The following RBFOX1 variants were observed in gnomAD, a reference collection of about 807,000 sequenced individuals.
RBFOX1 encodes RNA binding protein fox-1 homolog 1.
A neutral mutation model predicts 57.7 loss-of-function variants in RBFOX1; 8 were observed. The observed-to-expected ratio is 0.14, with a 90% CI of 0.08 to 0.25. RBFOX1 has a LOEUF of 0.25. Ranked by LOEUF, RBFOX1 falls within the 10% of genes least tolerant of loss-of-function variation. RBFOX1 has a pLI of 1.00. For synonymous variants in RBFOX1, 326 were observed against 222.4 expected (o/e 1.47, Z -4.15); for missense variants, 611 against 548.5 (o/e 1.11, Z -1.14).
chr16:6,039,605 A>G (rs1049955476), intron 1 of RBFOX1, among the ~76,000 whole-genome samples: 1 of 152,146 alleles, frequency 6.6e-6, no homozygotes, highest in African/African-American at 2.4e-5. Flanking sequence ...TGCAACAGTG[A>G]TTCCTAGGCC....
At chr16:6,963,409 G>C (rs1375343200) in intron 3 of RBFOX1, among the ~76,000 whole-genome samples, 1 of 152,134 alleles carries the variant, frequency 6.6e-6, no homozygotes, top group Non-Finnish European at 1.5e-5. Context: ...AAATAAAAAT[G>C]TGTTGTTGGA....
chr16:7,107,615 C>A (rs979241231), intron 4 of RBFOX1, among the ~76,000 whole-genome samples: 2 of 152,262 alleles, frequency 1.3e-5, no homozygotes, highest in South Asian at 2.1e-4. Flanking sequence ...ACGTCGCTGA[C>A]ATCCTTCTTT....
chr16:7,570,655 C>T (rs570106272), intron 5 of RBFOX1, among the ~76,000 whole-genome samples: 1 of 152,282 alleles, frequency 6.6e-6, no homozygotes, highest in South Asian at 2.1e-4. Flanking sequence ...TACATTAGCT[C>T]AACCATTGTG....
intron 2 of RBFOX1, among the ~76,000 whole-genome samples, chr16:6,512,646 G>A (rs2096278419): frequency 6.6e-6 from 1 of 152,184 alleles, no homozygotes; most frequent in African/African-American, 2.4e-5. Flanking sequence ...CCAAGAAAAT[G>A]GGAATATCTG....
At chr16:6,460,465 A>C (rs1294627171) in intron 2 of RBFOX1, among the ~76,000 whole-genome samples, 1 of 152,154 alleles carries the variant, frequency 6.6e-6, no homozygotes, top group Non-Finnish European at 1.5e-5. Flanking sequence ...CTCAAAAAAA[A>C]AACATACATG....
intron 3 of RBFOX1, among the ~76,000 whole-genome samples, chr16:5,669,259 T>C (rs924921121): frequency 1.3e-5 from 2 of 151,548 alleles, no homozygotes; most frequent in Non-Finnish European, 2.9e-5. Context: ...GGTGGGGGAG[T>C]GGCCACCCTC....
At chr16:5,837,130 G>C (rs1359412442) in intron 3 of RBFOX1, among the ~76,000 whole-genome samples, 1 of 151,906 alleles carries the variant, frequency 6.6e-6, no homozygotes, top group Admixed American at 6.6e-5. Context: ...AGTCTCTCCT[G>C]CTTCGCTCAA....
At chr16:5,893,068 C>G (rs551667052) in intron 4 of RBFOX1, among the ~76,000 whole-genome samples, 1 of 152,326 alleles carries the variant, frequency 6.6e-6, no homozygotes, top group South Asian at 2.1e-4. Flanking sequence ...GAAGCCTCTT[C>G]AAAATCTCAT....
rs1426936573 is a variant in RBFOX1, at chr16:7,657,796, G to A, written c.890+3849G>A. On this transcript the variant is annotated intron_variant, in intron 12 of 15. Coordinates refer to ENST00000550418, the MANE Select transcript of RBFOX1 (RefSeq NM_018723.4). ...GTAGGGAAAGTTGTGGACCATGGTGGGATCATAGGTACAAGTGGAAAACCC... is the reference window on the plus strand; with the variant it reads ...GTAGGGAAAGTTGTGGACCATGGTGAGATCATAGGTACAAGTGGAAAACCC... Among the ~76,000 whole-genome samples the A allele has an allele frequency of 8.5e-5, 13 of 152,206 alleles. No individual in the cohort carries two copies. The South Asian group carries it at 1.2e-3, about 15-fold the overall frequency.
At chr16:7,539,497 G>A (rs1405613364) in intron 5 of RBFOX1, among the ~76,000 whole-genome samples, 1 of 152,160 alleles carries the variant, frequency 6.6e-6, no homozygotes, top group Non-Finnish European at 1.5e-5. Context: ...AGAAGCCCAG[G>A]TGACATATTG....
rs572310537 is a variant in RBFOX1, at chr16:7,654,172, C to T, written c.890+225C>T. ...ATGGTTGGTGCCTTTAAGCATTCTA[C>T]ATGTCACATGTTGTTATGTAAATTC... On this transcript the variant is annotated intron_variant, in intron 12 of 15. Coordinates refer to ENST00000550418, the MANE Select transcript of RBFOX1 (RefSeq NM_018723.4). Among the ~76,000 whole-genome samples, 12 of 152,224 alleles carry T rather than the reference C, an allele frequency of 7.9e-5. No individual in the cohort carries two copies. The South Asian group carries it at 1.7e-3, about 21-fold the overall frequency.
At chr16:7,126,254 AG>A in intron 4 of RBFOX1, 1 of 252,634 alleles carries the variant, frequency 4.0e-6, no homozygotes, top group Non-Finnish European at 7.8e-6. Context: ...ATTTTTCTCC[AG>A]AGTATCGTGT....
intron 2 of RBFOX1, among the ~76,000 whole-genome samples, chr16:6,604,769 C>G (rs949083228): frequency 6.6e-6 from 1 of 152,128 alleles, no homozygotes; most frequent in African/African-American, 2.4e-5. Flanking sequence ...TTCCAAGATT[C>G]TATAATTCTT....
chr16:6,804,372 C>T (rs575802550), intron 3 of RBFOX1, among the ~76,000 whole-genome samples: 1 of 152,058 alleles, frequency 6.6e-6, no homozygotes, highest in Non-Finnish European at 1.5e-5. Context: ...AAGTTAAATT[C>T]TAATAGGATC....
chr16:7,112,178 T>C (rs2064917248), intron 4 of RBFOX1, among the ~76,000 whole-genome samples: 1 of 152,186 alleles, frequency 6.6e-6, no homozygotes, highest in Non-Finnish European at 1.5e-5. Context: ...AACTTTGTTT[T>C]TCTATGTCAT....
At chr16:5,454,874 C>T (rs1184286820) in intron 1 of RBFOX1, among the ~76,000 whole-genome samples, 1 of 71,882 alleles carries the variant, frequency 1.4e-5, no homozygotes, top group African/African-American at 4.9e-5. Context: ...TTCTTTCTTT[C>T]TTTCTTTCTT....
intron 1 of RBFOX1, among the ~76,000 whole-genome samples, chr16:6,154,398 T>C (rs565581617): frequency 3.9e-5 from 6 of 152,372 alleles, no homozygotes; most frequent in Non-Finnish European, 8.8e-5. Flanking sequence ...TTGTATGACA[T>C]GTAGGCATTG....
intron 2 of RBFOX1, 53 bp from the exon 3 acceptor site, chr16:6,654,550 A>G (rs1353940077): frequency 2.2e-6 from 3 of 1,381,886 alleles, no homozygotes; most frequent in Non-Finnish European, 2.9e-6. Flanking sequence ...CTCTGACCAT[A>G]AGTCTGACTC....
chr16:5,856,575 G>GTGTATGTATATATATATATATA (rs1192496608), intron 3 of RBFOX1, among the ~76,000 whole-genome samples: 1 of 32,920 alleles, frequency 3.0e-5, no homozygotes, highest in African/African-American at 1.3e-4. Flanking sequence ...GTGTGTGTGT[G>GTGTATGTATATATATATATATA]TATATATATA....
Sources: gnomAD v4.1 joint callset for allele counts (sites outside exome capture counted in the v4.1 genomes callset) on GRCh38, gnomAD v4.1.1 for gene constraint, MANE v1.5 for transcripts, NCBI Gene and HGNC (gene_info 2026-07-23, HGNC 2026-07-21) for gene names.